The following LOC400499 variants were observed in gnomAD, a reference collection of about 807,000 sequenced individuals.
chr16:11,444,720 T>A, the LOC400499 span, among the ~76,000 whole-genome samples: 1 of 152,180 alleles, frequency 6.6e-6, no homozygotes, highest in Non-Finnish European at 1.5e-5. Flanking sequence ...GCCCTGTGGC[T>A]ACGGTGGTAA....
At chr16:11,381,773 G>A in the LOC400499 span, among the ~76,000 whole-genome samples, 1 of 152,114 alleles carries the variant, frequency 6.6e-6, no homozygotes, top group African/African-American at 2.4e-5. Flanking sequence ...TTGCTGGTGG[G>A]AGATCAGTTA....
chr16:11,501,729 T>A, the LOC400499 span, among the ~76,000 whole-genome samples: 8 of 151,732 alleles, frequency 5.3e-5, no homozygotes, highest in Non-Finnish European at 1.0e-4. Context: ...CAGCCCAGAC[T>A]CTCCACGCCC....
chr16:11,390,364 T>C, the LOC400499 span: 1 of 1,235,046 alleles, frequency 8.1e-7, no homozygotes, highest in Non-Finnish European at 1.0e-6. Flanking sequence ...CACCCAGGCC[T>C]GCAGCCGCCG....
chr16:11,405,409 C>T, the LOC400499 span, among the ~76,000 whole-genome samples: 2 of 152,178 alleles, frequency 1.3e-5, no homozygotes, highest in African/African-American at 4.8e-5. Flanking sequence ...TCGAGATAGT[C>T]ACAGGACAGA....
chr16:11,398,129 C>T, the LOC400499 span, among the ~76,000 whole-genome samples: 81 of 152,330 alleles, frequency 5.3e-4, no homozygotes, highest in African/African-American at 1.4e-3. Flanking sequence ...CATCACTCTA[C>T]GTCCTGGAAC....
chr16:11,404,076 C>G, the LOC400499 span, among the ~76,000 whole-genome samples: 1 of 152,200 alleles, frequency 6.6e-6, no homozygotes, highest in Non-Finnish European at 1.5e-5. Flanking sequence ...CTGCTCAGAT[C>G]TGCCAGCTCC....
the LOC400499 span, chr16:11,424,344 C>T: frequency 1.8e-5 from 7 of 399,642 alleles, no homozygotes; most frequent in Non-Finnish European, 3.1e-5. Context: ...GGAGGGGAGT[C>T]CTGGGGGAAG....
chr16:11,475,130 C>T, the LOC400499 span, among the ~76,000 whole-genome samples: 2 of 152,046 alleles, frequency 1.3e-5, no homozygotes, highest in African/African-American at 4.8e-5. Context: ...GTCATGTGAC[C>T]ATACCCTCCC....
chr16:11,412,525 C>T, the LOC400499 span, among the ~76,000 whole-genome samples: 2 of 152,232 alleles, frequency 1.3e-5, no homozygotes, highest in East Asian at 3.8e-4. Context: ...ACTTACTGCA[C>T]ACGTAAGAGC....
At chr16:11,484,927 G>T in the LOC400499 span, 1 of 399,424 alleles carries the variant, frequency 2.5e-6, no homozygotes. Context: ...CTGGACACTC[G>T]GGGCTGGCTG....
chr16:11,446,748 G>A, the LOC400499 span: 47 of 1,535,786 alleles, frequency 3.1e-5, no homozygotes, highest in African/African-American at 8.2e-5. Flanking sequence ...ACACACTCAC[G>A]TAGGGGTGTC....
the LOC400499 span, among the ~76,000 whole-genome samples, chr16:11,382,954 TCA>T: frequency 4.7e-4 from 72 of 152,268 alleles, no homozygotes; most frequent in African/African-American, 1.7e-3. Context: ...GATAATTGGC[TCA>T]CAGTTTTACA....
At chr16:11,484,652 C>T in the LOC400499 span, among the ~76,000 whole-genome samples, 2 of 152,106 alleles carry the variant, frequency 1.3e-5, no homozygotes, top group South Asian at 4.1e-4. Flanking sequence ...AGGCTGTACA[C>T]TTACAACTTA....
chr16:11,510,721 G>A, the LOC400499 span, among the ~76,000 whole-genome samples: 14 of 151,502 alleles, frequency 9.2e-5, no homozygotes, highest in Non-Finnish European at 2.1e-4. Flanking sequence ...AGCATTTCGG[G>A]TAAGCATGAA....
At chr16:11,397,065 G>A in the LOC400499 span, among the ~76,000 whole-genome samples, 1 of 152,282 alleles carries the variant, frequency 6.6e-6, no homozygotes, top group East Asian at 1.9e-4. Context: ...CATAGACCAT[G>A]CATCTCTAGT....
chr16:11,373,590 G>T, the LOC400499 span, among the ~76,000 whole-genome samples: 6 of 152,000 alleles, frequency 3.9e-5, no homozygotes, highest in Non-Finnish European at 8.8e-5. Flanking sequence ...CTCCCAAAGT[G>T]CTGGGGTTAC....
chr16:11,446,549 C>T, the LOC400499 span: 1 of 1,536,048 alleles, frequency 6.5e-7, no homozygotes. Context: ...TCTGCTCTTA[C>T]CGTGTGCTGA....
chr16:11,381,598 C>T, the LOC400499 span, among the ~76,000 whole-genome samples: 1,725 of 152,346 alleles, frequency 0.011, 38 homozygotes, highest in African/African-American at 0.039. Context: ...CAGCCATAGA[C>T]TACGTAAATG....
chr16:11,502,139 G>C, the LOC400499 span: 1 of 398,994 alleles, frequency 2.5e-6, no homozygotes, highest in Non-Finnish European at 4.4e-6. Context: ...CCCCAGAAAG[G>C]CCCTGGAGCT....
Sources: allele counts gnomAD v4.1 joint callset (sites outside exome capture counted in the v4.1 genomes callset), GRCh38; gene constraint gnomAD v4.1.1; transcripts MANE v1.5.